CACNB2: variants seen among roughly 807,000 people sequenced by gnomAD.
CACNB2 encodes voltage-dependent L-type calcium channel subunit beta-2.
Under a neutral mutation model 73.3 loss-of-function variants are expected in CACNB2, and 42 were observed. That is an observed-to-expected ratio of 0.57 (90% confidence interval 0.45 to 0.74). CACNB2 has a LOEUF of 0.74. Ranked by LOEUF, CACNB2 falls within the 30% of genes least tolerant of loss-of-function variation. CACNB2 has a pLI of 0.00. For missense variants in CACNB2, 940 were observed against 853.0 expected (o/e 1.10, Z -1.27); for synonymous variants, 348 against 310.3 (o/e 1.12, Z -1.28).
At chr10:18,183,521 C>T (rs1256946926) in intron 2 of CACNB2, among the ~76,000 whole-genome samples, 3 of 152,112 alleles carry the variant, frequency 2.0e-5, no homozygotes, top group Admixed American at 6.6e-5. Flanking sequence ...GGTGGAAGGG[C>T]AAGTCACGTC....
intron 2 of CACNB2, among the ~76,000 whole-genome samples, chr10:18,389,020 A>G (rs2043351490): frequency 6.6e-6 from 1 of 152,200 alleles, no homozygotes; most frequent in Non-Finnish European, 1.5e-5. Flanking sequence ...TTTGTGAGAA[A>G]TTTCAATTGC....
At chr10:18,395,064 T>C (rs2043652158) in intron 2 of CACNB2, among the ~76,000 whole-genome samples, 1 of 152,126 alleles carries the variant, frequency 6.6e-6, no homozygotes, top group African/African-American at 2.4e-5. Flanking sequence ...ACATGTGTAT[T>C]CCAGGAGTGC....
chr10:18,181,907 C>T (rs1433860419), intron 2 of CACNB2: 2 of 152,076 alleles, frequency 1.3e-5, no homozygotes, highest in Non-Finnish European at 2.9e-5. Flanking sequence ...CAGGCGTGAT[C>T]CACTGTGCCC....
rs1468998286 is a variant in CACNB2 at position 18,402,062 on chromosome 10, T to G, written c.333+19T>G. ...AGCAAAGGTAAAATCGTTTCCTCCC[T>G]GCCAAGATCTTTGCAAGTTGTGCTG... On this transcript the variant is annotated intron_variant, in intron 3 of 13. Coordinates refer to ENST00000324631, the MANE Select transcript of CACNB2 (RefSeq NM_201596.3). The G allele has an allele frequency of 2.5e-6, 4 of 1,612,204 alleles. No homozygotes were observed. The East Asian group carries it at 8.9e-5, about 36-fold the overall frequency.
chr10:18,379,902 G>A (rs1407536472), intron 2 of CACNB2, among the ~76,000 whole-genome samples: 1 of 152,088 alleles, frequency 6.6e-6, no homozygotes, highest in South Asian at 2.1e-4. Flanking sequence ...ACACAGGCTG[G>A]TCTCAGACTC....
chr10:18,443,810 G>T (rs1158596993), intron 3 of CACNB2, among the ~76,000 whole-genome samples: 1 of 151,576 alleles, frequency 6.6e-6, no homozygotes, highest in Non-Finnish European at 1.5e-5. Flanking sequence ...CACCTCCCAG[G>T]TTCAAGAGAT....
At chr10:18,460,384 C>A (rs1439424702) in intron 3 of CACNB2, among the ~76,000 whole-genome samples, 1 of 152,124 alleles carries the variant, frequency 6.6e-6, no homozygotes, top group Non-Finnish European at 1.5e-5. Flanking sequence ...TTCTCAAATT[C>A]ATCACTTACA....
At chr10:18,418,414 G>T (rs1489332304) in intron 3 of CACNB2, among the ~76,000 whole-genome samples, 1 of 152,204 alleles carries the variant, frequency 6.6e-6, no homozygotes, top group African/African-American at 2.4e-5. Flanking sequence ...TATTTCAATT[G>T]ATATTTGCAG....
chr10:18,244,605 T>A (rs1486555126), intron 2 of CACNB2, among the ~76,000 whole-genome samples: 1 of 152,238 alleles, frequency 6.6e-6, no homozygotes, highest in Non-Finnish European at 1.5e-5. Context: ...TGAATTCTTT[T>A]GTCAACCTTA....
At chr10:18,535,557 G>A (rs1229391900) in intron 11 of CACNB2, among the ~76,000 whole-genome samples, 1 of 152,040 alleles carries the variant, frequency 6.6e-6, no homozygotes, top group Non-Finnish European at 1.5e-5. Context: ...AGGATCATGA[G>A]GTCAGGAGAT....
intron 2 of CACNB2, among the ~76,000 whole-genome samples, chr10:18,365,802 ATT>A (rs76999536): frequency 0.28 from 42,941 of 151,970 alleles, 6,550 homozygotes; most frequent in East Asian, 0.66. Flanking sequence ...CCATTCATTG[ATT>A]TCAGTGAATA....
At chr10:18,380,980 C>T (rs1175444341) in intron 2 of CACNB2, among the ~76,000 whole-genome samples, 2 of 151,880 alleles carry the variant, frequency 1.3e-5, no homozygotes, top group Non-Finnish European at 2.9e-5. Flanking sequence ...CTGTAATGCC[C>T]TTCCTCTGTG....
At chr10:18,448,878 G>A (rs141454367) in intron 3 of CACNB2, among the ~76,000 whole-genome samples, 20 of 152,354 alleles carry the variant, frequency 1.3e-4, no homozygotes, top group Admixed American at 8.5e-4. Flanking sequence ...TGGAATTGGA[G>A]AATTATGTCC....
chr10:18,506,809 TA>T (rs551385106), intron 6 of CACNB2, among the ~76,000 whole-genome samples: 51 of 152,324 alleles, frequency 3.3e-4, no homozygotes, highest in African/African-American at 1.1e-3. Flanking sequence ...TTTATTTATT[TA>T]TTTTTTTGAG....
chr10:18,402,812 AC>A (rs2044078081), intron 3 of CACNB2, among the ~76,000 whole-genome samples: 1 of 152,166 alleles, frequency 6.6e-6, no homozygotes, highest in Non-Finnish European at 1.5e-5. Context: ...TTCTCAATGA[AC>A]CTATTTTAAC....
chr10:18,532,274 T>C (rs1015560130), intron 10 of CACNB2, among the ~76,000 whole-genome samples: 1 of 152,176 alleles, frequency 6.6e-6, no homozygotes, highest in Non-Finnish European at 1.5e-5. Flanking sequence ...CTACCACAAA[T>C]ATCTTTATAT....
At chr10:18,251,800 C>A (rs757242001) in intron 2 of CACNB2, among the ~76,000 whole-genome samples, 1 of 152,180 alleles carries the variant, frequency 6.6e-6, no homozygotes, top group African/African-American at 2.4e-5. Flanking sequence ...GGAAGTGCTA[C>A]ATGCTTTTAA....
At chr10:18,198,104 T>C (rs2131298495) in intron 2 of CACNB2, among the ~76,000 whole-genome samples, 1 of 148,180 alleles carries the variant, frequency 6.7e-6, no homozygotes, top group African/African-American at 2.4e-5. Context: ...TAACATGTAA[T>C]ATATTCATAT....
intron 2 of CACNB2, among the ~76,000 whole-genome samples, chr10:18,173,011 C>T (rs552618404): frequency 2.7e-5 from 4 of 148,132 alleles, no homozygotes; most frequent in African/African-American, 7.5e-5. Context: ...ACCTACACCT[C>T]CCAGGTTCAA....
Sources: allele counts gnomAD v4.1 joint callset (sites outside exome capture counted in the v4.1 genomes callset), GRCh38; gene constraint gnomAD v4.1.1; transcripts MANE v1.5; gene names NCBI Gene and HGNC (gene_info 2026-07-23, HGNC 2026-07-21).